Variants in MPP7 observed in about 807,000 individuals in gnomAD.
The protein encoded by MPP7 is MAGUK p55 subfamily member 7.
In MPP7, 60 loss-of-function variants were observed where a neutral mutation model predicts 76.5. The ratio of observed to expected loss-of-function variants is 0.78; its 90% CI spans 0.64 to 0.97. The LOEUF is 0.97. Ranked by LOEUF, MPP7 falls within the 50% of genes least tolerant of loss-of-function variation. The pLI is 0.00. For missense variants in MPP7, 641 were observed against 694.0 expected, an observed-to-expected ratio of 0.92 and a Z score of 0.86; for synonymous variants, 237 against 244.5, an observed-to-expected ratio of 0.97 and a Z score of 0.29.
chr10:28,142,732 A>C (rs1311883610), intron 5 of MPP7, among the ~76,000 whole-genome samples: 1 of 152,194 alleles, frequency 6.6e-6, no homozygotes, highest in Non-Finnish European at 1.5e-5. Flanking sequence ...CTCTGTCTCA[A>C]AAAAAGAGAA....
chr10:28,065,932 C>T (rs1779935798), intron 13 of MPP7, among the ~76,000 whole-genome samples: 1 of 152,124 alleles, frequency 6.6e-6, no homozygotes, highest in Non-Finnish European at 1.5e-5. Flanking sequence ...TTGATGTCTA[C>T]CATAATAATT....
intron 5 of MPP7, among the ~76,000 whole-genome samples, chr10:28,144,771 C>T (rs1835650026): frequency 2.0e-5 from 3 of 152,146 alleles, no homozygotes. Flanking sequence ...AGCGCCATTC[C>T]TATGTATCCC....
At chr10:28,146,409 T>G (rs958850563) in intron 5 of MPP7, among the ~76,000 whole-genome samples, 2 of 149,906 alleles carry the variant, frequency 1.3e-5, no homozygotes, top group Non-Finnish European at 3.0e-5. Context: ...TTTTTTGTTT[T>G]TTTTTTTTTT....
intron 11 of MPP7, among the ~76,000 whole-genome samples, chr10:28,105,152 C>CA (rs869250857): frequency 0.1 from 2,939 of 29,522 alleles, 434 homozygotes; most frequent in Middle Eastern, 0.23. Context: ...GACTCCATCT[C>CA]AAAAAAAAAA....
intron 12 of MPP7, among the ~76,000 whole-genome samples, chr10:28,078,840 T>G (rs1334399465): frequency 6.6e-6 from 1 of 152,206 alleles, no homozygotes; most frequent in African/African-American, 2.4e-5. Context: ...TATAAAAAGT[T>G]TCATTCATTT....
At chr10:28,280,055 A>G (rs12357385) in intron 1 of MPP7, 9,897 of 152,150 alleles carry the variant, frequency 0.065, 436 homozygotes, top group Non-Finnish European at 0.096. Flanking sequence ...ATTACAGAGA[A>G]CAAGGATGAA....
At chr10:28,064,536 T>C (rs555271500) in intron 13 of MPP7, among the ~76,000 whole-genome samples, 1 of 152,348 alleles carries the variant, frequency 6.6e-6, no homozygotes, top group East Asian at 1.9e-4. Context: ...TTTTCACATG[T>C]GTACGCAGAT....
intron 13 of MPP7, 111 bp downstream of exon 13, chr10:28,069,661 A>G (rs1192290135): frequency 1.7e-5 from 13 of 780,256 alleles, no homozygotes; most frequent in Non-Finnish European, 2.4e-5. Flanking sequence ...TATACCTACC[A>G]TGTACCCAAA....
chr10:28,068,447 A>G (rs1231024133), intron 13 of MPP7, among the ~76,000 whole-genome samples: 1 of 152,196 alleles, frequency 6.6e-6, no homozygotes, highest in Non-Finnish European at 1.5e-5. Flanking sequence ...TGCTTGAAAA[A>G]AGCCAACATT....
At chr10:28,237,241 A>ATGTAGTAAAATTATG (rs1448553262) in intron 2 of MPP7, among the ~76,000 whole-genome samples, 1 of 152,238 alleles carries the variant, frequency 6.6e-6, no homozygotes, top group East Asian at 1.9e-4. Flanking sequence ...TTTATGGTTC[A>ATGTAGTAAAATTATG]CATAAATTTT....
chr10:28,310,608 T>C (rs1269203235), intron 2 of MPP7, among the ~76,000 whole-genome samples: 1 of 152,228 alleles, frequency 6.6e-6, no homozygotes, highest in South Asian at 2.1e-4. Flanking sequence ...ATACCATTAA[T>C]TTGCAACAGT....
intron 2 of MPP7, among the ~76,000 whole-genome samples, chr10:28,329,729 G>A (rs780944678): frequency 6.6e-6 from 1 of 151,526 alleles, no homozygotes; most frequent in Non-Finnish European, 1.5e-5. Context: ...AAATTGAGTC[G>A]CATTTGTAGT....
intron 3 of MPP7, among the ~76,000 whole-genome samples, chr10:28,160,730 T>C (rs1005440754): frequency 3.9e-5 from 6 of 152,218 alleles, no homozygotes; most frequent in African/African-American, 1.4e-4. Flanking sequence ...GGAATATTAA[T>C]ACTTTTTCCC....
chr10:28,250,326 G>C (rs1244062228), intron 1 of MPP7, among the ~76,000 whole-genome samples: 1 of 152,118 alleles, frequency 6.6e-6, no homozygotes, highest in African/African-American at 2.4e-5. Context: ...ATCTAAGATG[G>C]ACATATGGGT....
At chr10:28,258,768 T>C (rs912991004) in intron 1 of MPP7, among the ~76,000 whole-genome samples, 1 of 152,080 alleles carries the variant, frequency 6.6e-6, no homozygotes, top group Non-Finnish European at 1.5e-5. Flanking sequence ...CAATTACAGG[T>C]ATCCAAAGAA....
chr10:28,061,587 G>C (rs1851785488), intron 13 of MPP7, among the ~76,000 whole-genome samples: 1 of 151,962 alleles, frequency 6.6e-6, no homozygotes, highest in Non-Finnish European at 1.5e-5. Flanking sequence ...ACTAGAAGGA[G>C]AGGAAAAAAG....
chr10:28,229,665 G>A (rs903584110), intron 2 of MPP7, among the ~76,000 whole-genome samples: 9 of 151,956 alleles, frequency 5.9e-5, no homozygotes, highest in Non-Finnish European at 1.0e-4. Context: ...CGAGGCAGGC[G>A]GATCATGAGG....
At chr10:28,198,214 C>T (rs996236909) in intron 3 of MPP7, among the ~76,000 whole-genome samples, 6 of 152,136 alleles carry the variant, frequency 3.9e-5, no homozygotes, top group African/African-American at 1.4e-4. Flanking sequence ...TATTCTTATC[C>T]TAGAAATCTA....
At chr10:28,226,498 T>A (rs1325929949) in intron 2 of MPP7, among the ~76,000 whole-genome samples, 1 of 152,154 alleles carries the variant, frequency 6.6e-6, no homozygotes, top group Admixed American at 6.5e-5. Context: ...CCACCCACCT[T>A]GGCCTCCCAA....
Sources: allele counts gnomAD v4.1 joint callset (sites outside exome capture counted in the v4.1 genomes callset), GRCh38; gene constraint gnomAD v4.1.1; transcripts MANE v1.5; gene names NCBI Gene and HGNC (gene_info 2026-07-23, HGNC 2026-07-21).